LOC400499: variants seen among roughly 807,000 people sequenced by gnomAD.
chr16:11,403,946 G>A, the LOC400499 span, among the ~76,000 whole-genome samples: 1 of 152,174 alleles, frequency 6.6e-6, no homozygotes, highest in African/African-American at 2.4e-5. Flanking sequence ...GCATGACCTG[G>A]GTCCCCCAGC....
the LOC400499 span, among the ~76,000 whole-genome samples, chr16:11,398,071 C>T: frequency 4.7e-4 from 71 of 152,206 alleles, no homozygotes; most frequent in African/African-American, 1.5e-3. Context: ...CTCATGTGCC[C>T]GGCACCAAGG....
At chr16:11,423,196 C>T in the LOC400499 span, 712 of 399,350 alleles carry the variant, frequency 1.8e-3, 5 homozygotes, top group African/African-American at 0.013. Flanking sequence ...GGCTGCCCAG[C>T]GATGTCCCCT....
the LOC400499 span, among the ~76,000 whole-genome samples, chr16:11,449,298 A>G: frequency 6.6e-6 from 1 of 152,166 alleles, no homozygotes; most frequent in Non-Finnish European, 1.5e-5. Context: ...TGAAACAAGA[A>G]GAAAAACTCC....
At chr16:11,437,302 G>A in the LOC400499 span, among the ~76,000 whole-genome samples, 2 of 152,190 alleles carry the variant, frequency 1.3e-5, no homozygotes, top group African/African-American at 2.4e-5. Flanking sequence ...ACTCACACCT[G>A]TAACCCCAGC....
At chr16:11,446,772 C>T in the LOC400499 span, 330 of 1,536,064 alleles carry the variant, frequency 2.1e-4, no homozygotes, top group Admixed American at 6.2e-3. Context: ...CCTGGCAGCC[C>T]AGGACCATGG....
At chr16:11,519,377 G>T in the LOC400499 span, among the ~76,000 whole-genome samples, 1 of 152,184 alleles carries the variant, frequency 6.6e-6, no homozygotes, top group Non-Finnish European at 1.5e-5. Context: ...TGGGGAGGGG[G>T]TTGCAAAAGA....
chr16:11,422,189 T>G, the LOC400499 span, among the ~76,000 whole-genome samples: 1 of 152,202 alleles, frequency 6.6e-6, no homozygotes, highest in Non-Finnish European at 1.5e-5. Flanking sequence ...TCACTTGAGG[T>G]CAGGAGTTCA....
the LOC400499 span, among the ~76,000 whole-genome samples, chr16:11,520,167 G>A: frequency 6.6e-6 from 1 of 152,164 alleles, no homozygotes; most frequent in African/African-American, 2.4e-5. Flanking sequence ...ATGGAGGGTG[G>A]TGATGGTTGT....
the LOC400499 span, chr16:11,390,364 T>G: frequency 1.6e-6 from 2 of 1,235,046 alleles, no homozygotes; most frequent in Non-Finnish European, 1.0e-6. Context: ...CACCCAGGCC[T>G]GCAGCCGCCG....
At chr16:11,404,113 A>C in the LOC400499 span, among the ~76,000 whole-genome samples, 1 of 152,114 alleles carries the variant, frequency 6.6e-6, no homozygotes, top group Non-Finnish European at 1.5e-5. Flanking sequence ...CTCAGTTCAG[A>C]AGTCACCTCC....
chr16:11,415,708 C>G, the LOC400499 span, among the ~76,000 whole-genome samples: 1 of 152,158 alleles, frequency 6.6e-6, no homozygotes, highest in Admixed American at 6.5e-5. Context: ...GGACAACAGA[C>G]TGGACAGCAG....
At chr16:11,512,780 G>C in the LOC400499 span, among the ~76,000 whole-genome samples, 1 of 152,122 alleles carries the variant, frequency 6.6e-6, no homozygotes, top group South Asian at 2.1e-4. Flanking sequence ...AACTCAGTGG[G>C]ACACCACTGG....
the LOC400499 span, among the ~76,000 whole-genome samples, chr16:11,394,715 A>T: frequency 1.3e-5 from 2 of 152,244 alleles, no homozygotes; most frequent in African/African-American, 4.8e-5. Flanking sequence ...GATGCCACCC[A>T]GAAGGCAGAA....
chr16:11,435,936 G>A, the LOC400499 span: 1 of 398,868 alleles, frequency 2.5e-6, no homozygotes, highest in East Asian at 3.6e-5. Context: ...GTGTGGGGGA[G>A]GGCTGCCTCC....
the LOC400499 span, chr16:11,399,295 G>A: frequency 3.2e-6 from 3 of 951,796 alleles, no homozygotes; most frequent in African/African-American, 1.8e-5. Context: ...CCACATCCCA[G>A]TTAGGAAGGG....
chr16:11,508,089 A>T, the LOC400499 span, among the ~76,000 whole-genome samples: 7 of 152,172 alleles, frequency 4.6e-5, no homozygotes, highest in African/African-American at 1.7e-4. Context: ...GATTATCTGG[A>T]TGAGTCTTCA....
the LOC400499 span, among the ~76,000 whole-genome samples, chr16:11,488,352 AG>A: frequency 0.061 from 9,269 of 152,218 alleles, 546 homozygotes; most frequent in East Asian, 0.3. Flanking sequence ...AAAAAGCAGC[AG>A]GTGCTATGAA....
chr16:11,480,695 G>A, the LOC400499 span, among the ~76,000 whole-genome samples: 1 of 152,156 alleles, frequency 6.6e-6, no homozygotes, highest in Non-Finnish European at 1.5e-5. Context: ...GTGTACGCCC[G>A]ACAGGTATAA....
At chr16:11,504,472 T>C in the LOC400499 span, among the ~76,000 whole-genome samples, 2 of 152,006 alleles carry the variant, frequency 1.3e-5, no homozygotes, top group South Asian at 4.2e-4. Flanking sequence ...AAGAGATCAC[T>C]TGAACCAGGA....
Sources: gnomAD v4.1 joint callset for allele counts (sites outside exome capture counted in the v4.1 genomes callset) on GRCh38, gnomAD v4.1.1 for gene constraint, MANE v1.5 for transcripts.